PPARA: variants seen among roughly 807,000 people sequenced by gnomAD.
PPARA encodes the protein peroxisome proliferator-activated receptor alpha.
In PPARA, 22 loss-of-function variants were observed where a neutral mutation model predicts 42.2. That is an observed-to-expected ratio of 0.52 (90% CI 0.37 to 0.74). The LOEUF (loss-of-function observed/expected upper bound fraction) is 0.74. Among genes scored for constraint, PPARA ranks in the 30% least tolerant of loss-of-function variants. The probability of loss-of-function intolerance (pLI) is 0.00; values close to 1 mark genes in which losing one functional copy is unlikely to be tolerated. For missense variants in PPARA, 465 were observed against 608.2 expected (o/e 0.76, Z 2.48); for synonymous variants, 242 against 239.3 (o/e 1.01, Z -0.10).
chr22:46,161,169 A>G lies in PPARA; in HGVS notation c.-127+9199A>G, dbSNP rs1024035311. Among the ~76,000 whole-genome samples, 2 of 152,242 alleles carry G rather than the reference A, an allele frequency of 1.3e-5. No homozygotes were observed. Among genetic ancestry groups the G allele is most frequent in the African/African-American group, 4.8e-5 (2 of 41,466 alleles). On this transcript the variant is annotated intron_variant, in intron 2 of 8. Coordinates refer to ENST00000407236, the MANE Select transcript of PPARA (RefSeq NM_005036.6). This position sits in a 1 kb window ranked among gnomAD's most constrained non-coding sequence, Gnocchi z 4.8. ...TCCATGGACTCATAAAAAGAGCTCAAAACCTAGGAAGTGGATGGAGACTCT... is the reference window on the plus strand; with the variant it reads ...TCCATGGACTCATAAAAAGAGCTCAGAACCTAGGAAGTGGATGGAGACTCT...
intron 2 of PPARA, among the ~76,000 whole-genome samples, chr22:46,172,743 C>T (rs1928298241): frequency 6.6e-6 from 1 of 152,190 alleles, no homozygotes; most frequent in Non-Finnish European, 1.5e-5. Flanking sequence ...GGATTCAAGG[C>T]ATGTTGACAG....
At position 46,173,066 on chromosome 22, in the gene PPARA, C is replaced by G. The variant is rs1397324134; in HGVS notation, c.-126-3687C>G. Among the ~76,000 whole-genome samples, 1 of 152,154 alleles carries G rather than the reference C, an allele frequency of 6.6e-6. No individual in the cohort carries two copies. Among genetic ancestry groups the G allele is most frequent in the Non-Finnish European group, 1.5e-5 (1 of 68,030 alleles). On this transcript the variant is annotated intron_variant, in intron 2 of 8. Coordinates refer to ENST00000407236, the MANE Select transcript of PPARA (RefSeq NM_005036.6). This position sits in a 1 kb window ranked among gnomAD's most constrained non-coding sequence, Gnocchi z 4.3. The stretch of plus-strand genomic sequence containing the variant: ...CACTTTAAGTTGCATTCATCTTTGT[C>G]CCTTTAGAAAAGGATTTGTCCTGCA...
Position 46,161,801 on chromosome 22 carries a change from G to A in PPARA, c.-127+9831G>A, listed in dbSNP as rs138065869. 6.6e-6 allele frequency among the ~76,000 whole-genome samples: 1 copy of A among 152,234 alleles called. No homozygotes were observed. The highest frequency in any genetic ancestry group is 1.5e-5 in the Non-Finnish European group (1 of 68,008). ...TGCGACTTCCTCAGAGCCCTCAGTG[G>A]CGTTCCCTTTTCCGCGCTAGCGTTT... On this transcript the variant is annotated intron_variant, in intron 2 of 8. Transcript: ENST00000407236. The surrounding 1 kb of genome is among the most constrained non-coding windows in gnomAD (Gnocchi z 4.8).
intron 2 of PPARA, among the ~76,000 whole-genome samples, chr22:46,172,836 G>A (rs1235468906): frequency 6.6e-6 from 1 of 152,170 alleles, no homozygotes; most frequent in African/African-American, 2.4e-5. Flanking sequence ...TGCTTTGACA[G>A]GTTACTTGGC....
Position 46,191,733 on chromosome 22 carries a change from G to A in PPARA, c.-42-6609G>A, listed in dbSNP as rs1022656099. Among the ~76,000 whole-genome samples, 1 of 152,210 alleles carries A rather than the reference G, an allele frequency of 6.6e-6. No homozygotes were observed. The highest frequency in any genetic ancestry group is 2.4e-5 in the African/African-American group (1 of 41,464). The stretch of plus-strand genomic sequence containing the variant: ...AGACCATCACTGGGTTACTCCTGGA[G>A]TAAGTAATTCCCAAGAGCTCCTTCT... On this transcript the variant is annotated intron_variant, in intron 3 of 8. Transcript: ENST00000407236. The surrounding 1 kb of genome is among the most constrained non-coding windows in gnomAD (Gnocchi z 4.6).
rs1319825683 is a variant in PPARA, at chr22:46,173,818, G to A, written c.-126-2935G>A. Among the ~76,000 whole-genome samples the A allele has an allele frequency of 6.6e-6, 1 of 152,134 alleles. No homozygotes were observed. Among genetic ancestry groups the A allele is most frequent in the African/African-American group, 2.4e-5 (1 of 41,424 alleles). On this transcript the variant is annotated intron_variant, in intron 2 of 8. Transcript: ENST00000407236. The surrounding 1 kb of genome is among the most constrained non-coding windows in gnomAD (Gnocchi z 4.3). The stretch of plus-strand genomic sequence containing the variant: ...GCACACTGCCATTCTTAGCAAACGT[G>A]TAGTTTAGTATTTAGGAGAAAGGGC...
rs1183147448 is a variant in PPARA at position 46,161,035 on chromosome 22, A to T, written c.-127+9065A>T. Among the ~76,000 whole-genome samples the T allele has an allele frequency of 6.6e-6, 1 of 152,200 alleles. No homozygotes were observed. The highest frequency in any genetic ancestry group is 1.5e-5 in the Non-Finnish European group (1 of 68,034). On this transcript the variant is annotated intron_variant, in intron 2 of 8. Transcript: ENST00000407236. This position sits in a 1 kb window ranked among gnomAD's most constrained non-coding sequence, Gnocchi z 4.8. The stretch of plus-strand genomic sequence containing the variant: ...TAAGTGAAAGTGAATATTTAACCAC[A>T]CTCAAGCACAGCTGATGATCTTTAA...
chr22:46,213,233 G>A (rs1210781933), intron 4 of PPARA, among the ~76,000 whole-genome samples: 1 of 152,072 alleles, frequency 6.6e-6, no homozygotes, highest in African/African-American at 2.4e-5. Flanking sequence ...TCAGTTTTGT[G>A]GATTTTAGTC....
In PPARA at chr22:46,212,320, G is replaced by A. The variant is rs1934018160; in HGVS notation, c.209-2853G>A. 6.6e-6 allele frequency among the ~76,000 whole-genome samples: 1 copy of A among 152,150 alleles called. No individual in the cohort carries two copies. The highest frequency in any genetic ancestry group is 1.9e-4 in the East Asian group (1 of 5,188). On this transcript the variant is annotated intron_variant, in intron 4 of 8. Coordinates refer to ENST00000407236, the MANE Select transcript of PPARA (RefSeq NM_005036.6). This position sits in a 1 kb window ranked among gnomAD's most constrained non-coding sequence, Gnocchi z 4.2. ...TATCTGCCAGCCTCGGCCTCCCAAA[G>A]TGCTGGGATGACAGGCATGAGCTAC...
intron 7 of PPARA, among the ~76,000 whole-genome samples, chr22:46,220,942 CA>C (rs112936777): frequency 2.7e-5 from 4 of 147,582 alleles, no homozygotes; most frequent in Non-Finnish European, 4.5e-5. Flanking sequence ...GACCCTATCT[CA>C]AAAAAAAAAT....
At chr22:46,194,762 C>T (rs971853901) in intron 3 of PPARA, among the ~76,000 whole-genome samples, 21 of 151,400 alleles carry the variant, frequency 1.4e-4, no homozygotes, top group Admixed American at 2.0e-4. Flanking sequence ...TTAGTAGAGA[C>T]GGGGTTTCAC....
Position 46,183,978 on chromosome 22 carries a change from C to T in PPARA, c.-43+7142C>T, listed in dbSNP as rs1930323935. On this transcript the variant is annotated intron_variant, in intron 3 of 8. Coordinates refer to ENST00000407236, the MANE Select transcript of PPARA (RefSeq NM_005036.6). The surrounding 1 kb of genome is among the most constrained non-coding windows in gnomAD (Gnocchi z 5.5). ...TGGTAGCCTCTCTGTACTTCAGTTT[C>T]CTCATCTGTAAAGTAAACATAATGA... Among the ~76,000 whole-genome samples, 1 of 152,108 alleles carries T rather than the reference C, an allele frequency of 6.6e-6. No homozygotes were observed. The highest frequency in any genetic ancestry group is 2.4e-5 in the African/African-American group (1 of 41,406).
At position 46,236,327 on chromosome 22, in the gene PPARA, G is replaced by C. The variant is rs1048554428; in HGVS notation, c.*947G>C. ...GTTTTGTTTTTGGCTCACTGTTTTC[G>C]TGGTTGTAACTAATATGTGGAAAGG... On this transcript the variant is annotated 3_prime_UTR_variant, in exon 9 of 9. Coordinates refer to ENST00000407236, the MANE Select transcript of PPARA (RefSeq NM_005036.6). The surrounding 1 kb of genome is among the most constrained non-coding windows in gnomAD (Gnocchi z 5.2). 1.3e-5 allele frequency: 2 copies of C among 152,572 alleles called. No homozygotes were observed. Among genetic ancestry groups the C allele is most frequent in the Non-Finnish European group, 2.9e-5 (2 of 68,030 alleles). The allele number at this position is 152,572 out of a possible 1,614,324, so 9.5% of individuals were successfully genotyped here.
At chr22:46,189,202 T>A (rs536004826) in intron 3 of PPARA, among the ~76,000 whole-genome samples, 1 of 152,372 alleles carries the variant, frequency 6.6e-6, no homozygotes, top group African/African-American at 2.4e-5. Flanking sequence ...CTTATTTTGA[T>A]ATCACCATCC....
chr22:46,232,865 C>T lies in PPARA; in HGVS notation c.1159+626C>T, dbSNP rs1354713663. Among the ~76,000 whole-genome samples, 1 of 150,232 alleles carries T rather than the reference C, an allele frequency of 6.7e-6. No homozygotes were observed. Among genetic ancestry groups the T allele is most frequent in the Non-Finnish European group, 1.5e-5 (1 of 67,636 alleles). On this transcript the variant is annotated intron_variant, in intron 8 of 8. Coordinates refer to ENST00000407236, the MANE Select transcript of PPARA (RefSeq NM_005036.6). The surrounding 1 kb of genome is among the most constrained non-coding windows in gnomAD (Gnocchi z 5.3). ...AGTATGGTGGCATGTACCTGTAGTC[C>T]CAGCTACTTGAGAGGCTGAGGTGGG... is the stretch of plus-strand genomic sequence containing the variant.
intron 3 of PPARA, among the ~76,000 whole-genome samples, chr22:46,197,596 C>T (rs1265698866): frequency 2.0e-5 from 3 of 152,108 alleles, no homozygotes; most frequent in South Asian, 2.1e-4. Flanking sequence ...TGGTAAATGA[C>T]GTTGCATTTA....
intron 3 of PPARA, among the ~76,000 whole-genome samples, chr22:46,181,418 C>T (rs1047607796): frequency 1.3e-5 from 2 of 152,092 alleles, no homozygotes; most frequent in Admixed American, 6.5e-5. Flanking sequence ...AGCTAAGCAG[C>T]ACCTGAAACT....
At chr22:46,206,731 A>T (rs1335626887) in intron 4 of PPARA, among the ~76,000 whole-genome samples, 3 of 152,066 alleles carry the variant, frequency 2.0e-5, no homozygotes, top group South Asian at 2.1e-4. Flanking sequence ...AGTAAGAAAA[A>T]TTTTTTACAT....
rs562833863 is a variant in PPARA at position 46,205,379 on chromosome 22, G to A, written c.208+6788G>A. 1.0e-4 allele frequency among the ~76,000 whole-genome samples: 15 copies of A among 149,634 alleles called. No individual in the cohort carries two copies. The East Asian group carries it at 2.4e-3, about 23-fold the overall frequency. ...CTACAGGTACCTGCCACCATGCCCG[G>A]GTAAGTTTTTTGTATTTATTTGTAG... On this transcript the variant is annotated intron_variant, in intron 4 of 8. Coordinates refer to ENST00000407236, the MANE Select transcript of PPARA (RefSeq NM_005036.6).
Sources: gnomAD v4.1 joint callset for allele counts (sites outside exome capture counted in the v4.1 genomes callset) on GRCh38, gnomAD v4.1.1 for gene constraint, Gnocchi (gnomAD v3.1) non-coding constraint, MANE v1.5 for transcripts, NCBI Gene and HGNC (gene_info 2026-07-23, HGNC 2026-07-21) for gene names.